The following PTPRF variants were observed in gnomAD, a reference collection of about 807,000 sequenced individuals.
PTPRF encodes receptor-type tyrosine-protein phosphatase F.
Under a neutral mutation model 201.8 loss-of-function variants are expected in PTPRF, and 59 were observed. That is an observed-to-expected ratio of 0.29 (90% CI 0.24 to 0.36). The LOEUF is 0.36. Ranked by LOEUF, PTPRF falls within the 10% of genes least tolerant of loss-of-function variation. The probability of loss-of-function intolerance (pLI) is 1.00; values close to 1 mark genes in which losing one functional copy is unlikely to be tolerated. For synonymous variants in PTPRF, 1,088 were observed against 1,089.7 expected (o/e 1.00, Z 0.03); for missense variants, 2,132 against 2,690.5 (o/e 0.79, Z 4.59).
Position 43,554,852 on chromosome 1 carries a change from TC to T in PTPRF, c.379+912del, listed in dbSNP as rs1645246485. Among the ~76,000 whole-genome samples, 1 of 150,608 alleles carries T rather than the reference TC, an allele frequency of 6.6e-6. No homozygotes were observed. The highest frequency in any genetic ancestry group is 2.1e-4 in the South Asian group (1 of 4,790). ...CTTGCTTTTTTTTCTTTTCTTTCTTTCTTTCTTTTTTTTTTTTTGAGATGCA... is the reference window on the plus strand; with the variant it reads ...CTTGCTTTTTTTTCTTTTCTTTCTTTTTTCTTTTTTTTTTTTTGAGATGCA... On this transcript the variant is annotated intron_variant, in intron 5 of 33. Coordinates refer to ENST00000359947, the MANE Select transcript of PTPRF (RefSeq NM_002840.5). This position sits in a 1 kb window ranked among gnomAD's most constrained non-coding sequence, Gnocchi z 4.1.
At chr1:43,568,421 C>T (rs1432407299) in intron 5 of PTPRF, among the ~76,000 whole-genome samples, 1 of 152,206 alleles carries the variant, frequency 6.6e-6, no homozygotes, top group African/African-American at 2.4e-5. Flanking sequence ...AGTGGCTCAG[C>T]CCTTACTAGT....
At chr1:43,614,301 G>A (rs1323733183) in intron 23 of PTPRF, among the ~76,000 whole-genome samples, 3 of 152,240 alleles carry the variant, frequency 2.0e-5, no homozygotes, top group Admixed American at 6.5e-5. Flanking sequence ...GCACATGCAT[G>A]TGCTCACGTG....
upstream of PTPRF, among the ~76,000 whole-genome samples, chr1:43,523,390 G>A (rs1056305722): frequency 9.2e-5 from 14 of 152,176 alleles, no homozygotes; most frequent in African/African-American, 3.4e-4. Context: ...AGAGTCCACA[G>A]TAAGAAGGGG....
intron 14 of PTPRF, among the ~76,000 whole-genome samples, chr1:43,602,774 G>A (rs1654080298): frequency 6.6e-6 from 1 of 152,224 alleles, no homozygotes; most frequent in Non-Finnish European, 1.5e-5. Flanking sequence ...CCTGGCTGCT[G>A]TCTCAGGCAT....
intron 6 of PTPRF, chr1:43,576,028 C>A: frequency 9.0e-7 from 1 of 1,113,298 alleles, no homozygotes; most frequent in Non-Finnish European, 1.2e-6. Context: ...CCCATCCCAA[C>A]CTCTTCAGCC....
intron 14 of PTPRF, among the ~76,000 whole-genome samples, chr1:43,602,556 AG>A (rs1201892969): frequency 1.3e-5 from 2 of 152,100 alleles, no homozygotes; most frequent in East Asian, 3.9e-4. Flanking sequence ...TGGCAGCTGC[AG>A]GGGCCCCACT....
At chr1:43,620,680 C>A in intron 31 of PTPRF, 101 bp downstream of exon 31, 1 of 1,549,454 alleles carries the variant, frequency 6.5e-7, no homozygotes, top group South Asian at 1.2e-5. Flanking sequence ...AAATCTGAGG[C>A]GGTGGGTGGG....
At chr1:43,568,892 C>T (rs935729623) in intron 5 of PTPRF, among the ~76,000 whole-genome samples, 1 of 152,208 alleles carries the variant, frequency 6.6e-6, no homozygotes, top group Non-Finnish European at 1.5e-5. Context: ...TTTTTATCTC[C>T]TTTGCCTCCA....
intron 9 of PTPRF, 108 bp downstream of exon 9, chr1:43,591,661 G>A: frequency 7.0e-7 from 1 of 1,436,990 alleles, no homozygotes; most frequent in South Asian, 1.4e-5. Context: ...GCTCTTGGGA[G>A]GATCAAGGTG....
chr1:43,605,079 T>G, intron 17 of PTPRF, 79 bp downstream of exon 17: 1 of 1,578,064 alleles, frequency 6.3e-7, no homozygotes, highest in Non-Finnish European at 8.7e-7. Context: ...CTAACCCATG[T>G]GCATCCGGCT....
intron 7 of PTPRF, among the ~76,000 whole-genome samples, chr1:43,583,429 G>T (rs1648267041): frequency 6.6e-6 from 1 of 152,336 alleles, no homozygotes; most frequent in Non-Finnish European, 1.5e-5. Flanking sequence ...GATCCAGGCG[G>T]TGCTCAGGAA....
chr1:43,581,587 TTGGC>T (rs1393457642), intron 7 of PTPRF, among the ~76,000 whole-genome samples: 1 of 152,220 alleles, frequency 6.6e-6, no homozygotes, highest in African/African-American at 2.4e-5. Context: ...CATCTCATGG[TTGGC>T]AAAACCCCTG....
In PTPRF at chr1:43,619,221, A is replaced by T; in HGVS notation, c.4646+19A>T. The T allele has an allele frequency of 1.7e-6, 1 of 577,808 alleles. No individual in the cohort carries two copies. The highest frequency in any genetic ancestry group is 3.1e-6 in the Non-Finnish European group (1 of 327,252). 35.8% of individuals were successfully genotyped at this position (577,808 alleles called of 1,614,324 possible). A position where few individuals can be genotyped will look rare whatever the true frequency, so the allele number is the denominator to read the frequency against. On this transcript the variant is annotated intron_variant, in intron 27 of 33. Coordinates refer to ENST00000359947, the MANE Select transcript of PTPRF (RefSeq NM_002840.5). ...ACTGCAGGTGAGAGGGTACAGTGCC[A>T]CCCAGAGGGGTGGGTGGGGTGGGAG...
In PTPRF at chr1:43,622,926, C is replaced by T. The variant is rs1042503740; in HGVS notation, c.*923C>T. On this transcript the variant is annotated 3_prime_UTR_variant, in exon 34 of 34. Transcript: ENST00000359947. ...AAAAAAAAGAGTCAGCCCTTGGCTT[C>T]TGCTTCAAACCCTCAAGAGGGGAAG... 1 of 152,412 alleles carries T rather than the reference C, an allele frequency of 6.6e-6. No homozygotes were observed. The highest frequency in any genetic ancestry group is 2.4e-5 in the African/African-American group (1 of 41,456). 9.4% of individuals were successfully genotyped at this position (152,412 alleles called of 1,614,324 possible). A position where few individuals can be genotyped will look rare whatever the true frequency, so the allele number is the denominator to read the frequency against.
chr1:43,548,590 T>C (rs1644828132), intron 3 of PTPRF, among the ~76,000 whole-genome samples: 1 of 152,278 alleles, frequency 6.6e-6, no homozygotes, highest in South Asian at 2.1e-4. Context: ...AAAGGTTAAC[T>C]GAGGTCACAT....
upstream of PTPRF, among the ~76,000 whole-genome samples, chr1:43,525,495 G>A (rs1643070889): frequency 6.6e-6 from 1 of 152,092 alleles, no homozygotes; most frequent in South Asian, 2.1e-4. Flanking sequence ...TGGAGGGGAA[G>A]AGTCATTATA....
chr1:43,612,814 G>C (rs1244168791), intron 22 of PTPRF: 1 of 1,363,508 alleles, frequency 7.3e-7, no homozygotes, highest in Non-Finnish European at 9.8e-7. Flanking sequence ...AGTTTTCAAA[G>C]TTCCCGTGTT....
intron 23 of PTPRF, among the ~76,000 whole-genome samples, chr1:43,614,038 A>G (rs567652975): frequency 1.3e-5 from 2 of 152,222 alleles, no homozygotes; most frequent in Non-Finnish European, 2.9e-5. Context: ...GCATACAGAC[A>G]TAGATCAGTG....
chr1:43,620,428 A>T (rs1323718996), intron 30 of PTPRF, 26 bp from the exon 31 acceptor site: 3 of 1,596,534 alleles, frequency 1.9e-6, no homozygotes, highest in Middle Eastern at 1.7e-4. Context: ...TCACCTGATT[A>T]TGGGGGCCCG....
Sources: gnomAD v4.1 joint callset for allele counts (sites outside exome capture counted in the v4.1 genomes callset) on GRCh38, gnomAD v4.1.1 for gene constraint, Gnocchi (gnomAD v3.1) non-coding constraint, MANE v1.5 for transcripts, NCBI Gene and HGNC (gene_info 2026-07-23, HGNC 2026-07-21) for gene names.